ZCCHC7: variants seen among roughly 807,000 people sequenced by gnomAD.
ZCCHC7 encodes the protein zinc finger CCHC domain-containing protein 7.
A neutral mutation model predicts 52.0 loss-of-function variants in ZCCHC7; 35 were observed. The ratio of observed to expected loss-of-function variants is 0.67; its 90% CI spans 0.51 to 0.89. ZCCHC7 has a LOEUF of 0.89. Ranked by LOEUF, ZCCHC7 falls within the 40% of genes least tolerant of loss-of-function variation. The pLI is 0.00. For missense variants in ZCCHC7, 574 were observed against 649.1 expected (o/e 0.88, Z 1.26); for synonymous variants, 217 against 221.5 (o/e 0.98, Z 0.18).
At chr9:37,321,486 T>G (rs1830053520) in intron 5 of ZCCHC7, among the ~76,000 whole-genome samples, 1 of 152,166 alleles carries the variant, frequency 6.6e-6, no homozygotes, top group South Asian at 2.1e-4. Context: ...CTTACCAGGT[T>G]GGGTGCCAAG....
intron 2 of ZCCHC7, among the ~76,000 whole-genome samples, chr9:37,200,062 C>A (rs1823550682): frequency 6.6e-6 from 1 of 152,126 alleles, no homozygotes; most frequent in South Asian, 2.1e-4. Flanking sequence ...TTGTGCGCCA[C>A]CATTATTAAA....
At chr9:37,314,147 A>G (rs1271491934) in intron 5 of ZCCHC7, among the ~76,000 whole-genome samples, 1 of 152,240 alleles carries the variant, frequency 6.6e-6, no homozygotes, top group Non-Finnish European at 1.5e-5. Flanking sequence ...ATGTAAGAAT[A>G]AATGTGTAGA....
At chr9:37,355,196 G>A (rs1201533723) in intron 8 of ZCCHC7, among the ~76,000 whole-genome samples, 1 of 152,022 alleles carries the variant, frequency 6.6e-6, no homozygotes, top group African/African-American at 2.4e-5. Context: ...AGGCTTTCCT[G>A]CTAAGTTATT....
At chr9:37,199,599 C>G (rs1271427161) in intron 2 of ZCCHC7, among the ~76,000 whole-genome samples, 1 of 151,494 alleles carries the variant, frequency 6.6e-6, no homozygotes, top group East Asian at 1.9e-4. Context: ...TCCCAAAGTG[C>G]TGGGATTACA....
At chr9:37,196,629 T>C (rs2133131730) in intron 2 of ZCCHC7, among the ~76,000 whole-genome samples, 1 of 152,326 alleles carries the variant, frequency 6.6e-6, no homozygotes, top group East Asian at 1.9e-4. Flanking sequence ...TTTTTAGCAC[T>C]ATAAAACTTA....
At chr9:37,145,967 ACATT>A (rs1210045645) in intron 2 of ZCCHC7, among the ~76,000 whole-genome samples, 1 of 151,920 alleles carries the variant, frequency 6.6e-6, no homozygotes, top group African/African-American at 2.4e-5. Context: ...ACACATTTTC[ACATT>A]CATTCATCTT....
At chr9:37,276,576 T>G (rs1827695231) in intron 2 of ZCCHC7, among the ~76,000 whole-genome samples, 1 of 152,198 alleles carries the variant, frequency 6.6e-6, no homozygotes, top group Non-Finnish European at 1.5e-5. Flanking sequence ...CCTCAATAGA[T>G]GTTAATTGCC....
At chr9:37,175,363 G>A (rs1821961127) in intron 2 of ZCCHC7, among the ~76,000 whole-genome samples, 1 of 152,040 alleles carries the variant, frequency 6.6e-6, no homozygotes, top group African/African-American at 2.4e-5. Flanking sequence ...GATTTTCTGT[G>A]ATTCCTAATA....
At chr9:37,338,181 G>T (rs1564264262) in intron 6 of ZCCHC7, among the ~76,000 whole-genome samples, 1 of 152,046 alleles carries the variant, frequency 6.6e-6, no homozygotes, top group Non-Finnish European at 1.5e-5. Flanking sequence ...TGTTTTGATA[G>T]GGGGAGTGTC....
At chr9:37,125,566 T>C (rs966747820) in intron 1 of ZCCHC7, among the ~76,000 whole-genome samples, 5 of 152,244 alleles carry the variant, frequency 3.3e-5, no homozygotes, top group Non-Finnish European at 7.3e-5. Flanking sequence ...TTTCCTGTTA[T>C]AGATTTTAGT....
At chr9:37,198,646 T>C (rs1823415522) in intron 2 of ZCCHC7, among the ~76,000 whole-genome samples, 1 of 152,242 alleles carries the variant, frequency 6.6e-6, no homozygotes, top group African/African-American at 2.4e-5. Context: ...GTTGGCATAC[T>C]TATGTTGTCT....
chr9:37,269,080 A>G (rs765784915), intron 2 of ZCCHC7, among the ~76,000 whole-genome samples: 2 of 152,216 alleles, frequency 1.3e-5, no homozygotes, highest in Non-Finnish European at 2.9e-5. Flanking sequence ...TGTGCACCCT[A>G]TCTACTAGAA....
chr9:37,156,467 A>G (rs1820820984), intron 2 of ZCCHC7, among the ~76,000 whole-genome samples: 1 of 152,230 alleles, frequency 6.6e-6, no homozygotes, highest in Non-Finnish European at 1.5e-5. Context: ...AGTGCCCTGT[A>G]TATGGCGGTT....
intron 5 of ZCCHC7, among the ~76,000 whole-genome samples, chr9:37,319,408 C>A (rs1829964217): frequency 6.6e-6 from 1 of 151,878 alleles, no homozygotes; most frequent in Admixed American, 6.6e-5. Flanking sequence ...AACTCTTTAC[C>A]CAACCCCAGA....
intron 6 of ZCCHC7, among the ~76,000 whole-genome samples, chr9:37,340,422 GA>G (rs1394419384): frequency 6.9e-6 from 1 of 144,460 alleles, no homozygotes; most frequent in Non-Finnish European, 1.5e-5. Flanking sequence ...AAAAAAAAAA[GA>G]AATACAAAAG....
chr9:37,266,901 A>G lies in ZCCHC7; in HGVS notation c.611-35287A>G, dbSNP rs1482210267. 3.9e-5 allele frequency among the ~76,000 whole-genome samples: 6 copies of G among 152,208 alleles called. No homozygotes were observed. In the South Asian group the frequency reaches 6.2e-4, roughly 16 times the overall value. On this transcript the variant is annotated intron_variant, in intron 2 of 8. Coordinates refer to ENST00000336755, the MANE Select transcript of ZCCHC7 (RefSeq NM_032226.3). ...AAAACAAAGTCTAACAGTGATGTAT[A>G]TGTTATACCAGTGTTATTTGGAAGA...
At chr9:37,140,225 A>G (rs1166177130) in intron 2 of ZCCHC7, among the ~76,000 whole-genome samples, 1 of 151,972 alleles carries the variant, frequency 6.6e-6, no homozygotes, top group Non-Finnish European at 1.5e-5. Flanking sequence ...TAGAAATAGC[A>G]TTACTTCCTA....
intron 2 of ZCCHC7, among the ~76,000 whole-genome samples, chr9:37,218,108 C>G (rs116153704): frequency 6.6e-6 from 1 of 152,046 alleles, no homozygotes; most frequent in South Asian, 2.1e-4. Context: ...CATTAAATTC[C>G]TAATTATGGT....
chr9:37,244,418 A>G (rs183319543), intron 2 of ZCCHC7, among the ~76,000 whole-genome samples: 1 of 152,050 alleles, frequency 6.6e-6, no homozygotes, highest in Admixed American at 6.6e-5. Flanking sequence ...CCAATTAATT[A>G]CATAAATGGA....
Sources: gnomAD v4.1 joint callset for allele counts (sites outside exome capture counted in the v4.1 genomes callset) on GRCh38, gnomAD v4.1.1 for gene constraint, MANE v1.5 for transcripts, NCBI Gene and HGNC (gene_info 2026-07-23, HGNC 2026-07-21) for gene names.